Variants in OSBPL6 observed in about 807,000 individuals in gnomAD.
OSBPL6 encodes the protein oxysterol binding protein like 6, also known as oxysterol-binding protein-related protein 6.
A neutral mutation model predicts 125.8 loss-of-function variants in OSBPL6; 49 were observed. The ratio of observed to expected loss-of-function variants is 0.39; its 90% confidence interval spans 0.31 to 0.49. The LOEUF is 0.49. OSBPL6 is among the 20% of genes least tolerant of loss of function. The probability of loss-of-function intolerance (pLI) is 0.88; values close to 1 mark genes in which losing one functional copy is unlikely to be tolerated. For synonymous variants in OSBPL6, 394 were observed against 391.8 expected (o/e 1.01, Z -0.07); for missense variants, 986 against 1,135.4 (o/e 0.87, Z 1.89).
chr2:178,339,648 C>G, intron 10 of OSBPL6, 24 bp from the exon 11 acceptor site: 1 of 1,555,556 alleles, frequency 6.4e-7, no homozygotes, highest in Non-Finnish European at 8.7e-7. Flanking sequence ...TACTTTGTTG[C>G]TTTTAACTAT....
intron 2 of OSBPL6, among the ~76,000 whole-genome samples, chr2:178,302,763 T>C (rs145847498): frequency 1.6e-3 from 250 of 152,336 alleles, no homozygotes; most frequent in African/African-American, 5.6e-3. Flanking sequence ...GAAAATGCCA[T>C]TTTAAATTAA....
At chr2:178,330,032 C>T (rs1397109970) in intron 5 of OSBPL6, among the ~76,000 whole-genome samples, 3 of 152,166 alleles carry the variant, frequency 2.0e-5, no homozygotes, top group East Asian at 1.9e-4. Context: ...ATAATATTAT[C>T]GTAGTGCCAA....
At position 178,344,241 on chromosome 2, in the gene OSBPL6, T is replaced by TC. The variant is rs1264922001; in HGVS notation, c.987+4482dup. On this transcript the variant is annotated intron_variant, in intron 11 of 24. Coordinates refer to ENST00000190611, the MANE Select transcript of OSBPL6 (RefSeq NM_032523.4). ...CATCCTCCCATCTTCCATCCTTTCC[T>TC]CCCCCGTCCTGTGTTTCCTCCCCTC... is the stretch of plus-strand genomic sequence containing the variant. 2.7e-6 allele frequency: 4 copies of TC among 1,500,892 alleles called. No homozygotes were observed. In the African/African-American group the frequency reaches 4.1e-5, roughly 16 times the overall value. The allele number at this position is 1,500,892 out of a possible 1,614,324, so 93.0% of individuals were successfully genotyped here. A position where few individuals can be genotyped will look rare whatever the true frequency, so the allele number is the denominator to read the frequency against.
chr2:178,265,745 A>G (rs2092212929), intron 1 of OSBPL6, among the ~76,000 whole-genome samples: 2 of 151,984 alleles, frequency 1.3e-5, no homozygotes, highest in Admixed American at 1.3e-4. Context: ...ACCTTCGTAA[A>G]CTTTTTTATT....
At chr2:178,347,005 C>T (rs1305597187) in intron 11 of OSBPL6, among the ~76,000 whole-genome samples, 2 of 152,180 alleles carry the variant, frequency 1.3e-5, no homozygotes, top group African/African-American at 4.8e-5. Context: ...ATATGCAAAA[C>T]CACTTTTACT....
At chr2:178,340,902 T>C (rs949053797) in intron 11 of OSBPL6, among the ~76,000 whole-genome samples, 28 of 152,206 alleles carry the variant, frequency 1.8e-4, no homozygotes, top group Non-Finnish European at 3.5e-4. Context: ...ATGGTTTTTT[T>C]TTATTAGAAT....
chr2:178,280,053 CTGGGCA>C, intron 1 of OSBPL6, among the ~76,000 whole-genome samples: 1 of 152,016 alleles, frequency 6.6e-6, no homozygotes, highest in Non-Finnish European at 1.5e-5. Flanking sequence ...CAAAAATTAG[CTGGGCA>C]TGGTGGCGCA....
intron 2 of OSBPL6, among the ~76,000 whole-genome samples, chr2:178,286,077 C>T (rs1684671235): frequency 6.6e-6 from 1 of 152,162 alleles, no homozygotes. Flanking sequence ...TAGATTAGAG[C>T]TTGCAAAGTA....
intron 1 of OSBPL6, among the ~76,000 whole-genome samples, chr2:178,272,635 C>T (rs2092394861): frequency 6.6e-6 from 1 of 152,212 alleles, no homozygotes; most frequent in Admixed American, 6.5e-5. Flanking sequence ...CAATTCTCCT[C>T]TCTCAGTTTG....
At chr2:178,362,191 A>T (rs962399077) in intron 13 of OSBPL6, among the ~76,000 whole-genome samples, 1 of 152,216 alleles carries the variant, frequency 6.6e-6, no homozygotes, top group Non-Finnish European at 1.5e-5. Context: ...AATATTTTTT[A>T]AAAATGTACT....
chr2:178,334,478 C>T (rs569337342), intron 8 of OSBPL6, among the ~76,000 whole-genome samples: 9 of 152,118 alleles, frequency 5.9e-5, no homozygotes, highest in African/African-American at 2.2e-4. Flanking sequence ...ATCCTATTAA[C>T]GATGTTAAAA....
chr2:178,250,058 A>G (rs2091639473), intron 1 of OSBPL6, among the ~76,000 whole-genome samples: 2 of 152,230 alleles, frequency 1.3e-5, no homozygotes, highest in South Asian at 4.1e-4. Context: ...TATAGGTTCT[A>G]CCATAGTTCC....
chr2:178,214,576 A>T (rs938791862), intron 1 of OSBPL6, among the ~76,000 whole-genome samples: 1 of 152,146 alleles, frequency 6.6e-6, no homozygotes, highest in African/African-American at 2.4e-5. Context: ...TTAAGGCTTC[A>T]ACTGATTCAA....
At chr2:178,285,427 C>T (rs1282441815) in intron 2 of OSBPL6, among the ~76,000 whole-genome samples, 2 of 152,068 alleles carry the variant, frequency 1.3e-5, no homozygotes, top group African/African-American at 2.4e-5. Context: ...AACGTGCAGA[C>T]CTAAACCTTA....
intron 1 of OSBPL6, among the ~76,000 whole-genome samples, chr2:178,282,361 C>G (rs1209102955): frequency 6.6e-6 from 1 of 152,166 alleles, no homozygotes; most frequent in Non-Finnish European, 1.5e-5. Context: ...CCCTCTGCTG[C>G]TGCTTAGTGG....
rs909551287 is a variant in OSBPL6, at chr2:178,401,186, C to G, written c.*5627C>G. The G allele has an allele frequency of 2.6e-5, 4 of 152,208 alleles. No individual in the cohort carries two copies. Among genetic ancestry groups the G allele is most frequent in the African/African-American group, 9.7e-5 (4 of 41,444 alleles). 9.4% of individuals were successfully genotyped at this position (152,208 alleles called of 1,614,324 possible). A position where few individuals can be genotyped will look rare whatever the true frequency, so the allele number is the denominator to read the frequency against. ...ATGAAAGACTCACTGACAAAGCCGTCGGTATCCAGAATGACTGCTCTTGAA... is the reference window on the plus strand; with the variant it reads ...ATGAAAGACTCACTGACAAAGCCGTGGGTATCCAGAATGACTGCTCTTGAA... On this transcript the variant is annotated 3_prime_UTR_variant, in exon 25 of 25. Coordinates refer to ENST00000190611, the MANE Select transcript of OSBPL6 (RefSeq NM_032523.4).
rs1007084093 is a variant in OSBPL6, at chr2:178,401,284, A to G, written c.*5725A>G. 1 of 152,028 alleles carries G rather than the reference A, an allele frequency of 6.6e-6. No homozygotes were observed. The highest frequency in any genetic ancestry group is 1.5e-5 in the Non-Finnish European group (1 of 67,984). The allele number at this position is 152,028 out of a possible 1,614,324, so 9.4% of individuals were successfully genotyped here. A position where few individuals can be genotyped will look rare whatever the true frequency, so the allele number is the denominator to read the frequency against. On this transcript the variant is annotated 3_prime_UTR_variant, in exon 25 of 25. Coordinates refer to ENST00000190611, the MANE Select transcript of OSBPL6 (RefSeq NM_032523.4). Reference sequence around the variant, plus strand: ...TTTATCATCCCCCCACCCCAACCCCACTTTTGTGTCACAAACATTTGAAAC... The same window carrying G: ...TTTATCATCCCCCCACCCCAACCCCGCTTTTGTGTCACAAACATTTGAAAC...
At chr2:178,370,052 G>T (rs902429202) in intron 13 of OSBPL6, among the ~76,000 whole-genome samples, 1 of 152,110 alleles carries the variant, frequency 6.6e-6, no homozygotes. Context: ...ATCACTTGAG[G>T]TCAGGAGTTT....
chr2:178,384,013 T>C, intron 17 of OSBPL6, 26 bp from the exon 18 acceptor site: 5 of 1,611,038 alleles, frequency 3.1e-6, no homozygotes, highest in Non-Finnish European at 4.2e-6. Context: ...TCCTATATTA[T>C]TCCCTTTTCT....
Sources: allele counts gnomAD v4.1 joint callset (sites outside exome capture counted in the v4.1 genomes callset), GRCh38; gene constraint gnomAD v4.1.1; transcripts MANE v1.5; gene names NCBI Gene and HGNC (gene_info 2026-07-23, HGNC 2026-07-21).